The following AMACR variants were observed in gnomAD, a reference collection of about 807,000 sequenced individuals.
AMACR encodes 2-methylacyl-CoA racemase.
Under a neutral mutation model 22.2 loss-of-function variants are expected in AMACR, and 18 were observed. The observed-to-expected ratio is 0.81, with a 90% CI of 0.56 to 1.20. The LOEUF (loss-of-function observed/expected upper bound fraction) is 1.20, where lower values mean the gene tolerates loss of function less well. Among genes scored for constraint, AMACR ranks in the 50% most tolerant of loss-of-function variants. The pLI, the probability that AMACR is intolerant of heterozygous loss-of-function variation, is 0.00. For missense variants in AMACR, 499 were observed against 490.6 expected, an observed-to-expected ratio of 1.02 and a Z score of -0.16; for synonymous variants, 213 against 191.3, an observed-to-expected ratio of 1.11 and a Z score of -0.94.
At chr5:34,002,675 AG>A (rs1204653577) in intron 3 of AMACR, among the ~76,000 whole-genome samples, 1 of 152,220 alleles carries the variant, frequency 6.6e-6, no homozygotes, top group African/African-American at 2.4e-5. Flanking sequence ...CGTCTCCCTC[AG>A]GGAACTGTGT....
chr5:33,989,630 A>G, intron 4 of AMACR, 128 bp from the exon 5 acceptor site: 1 of 790,422 alleles, frequency 1.3e-6, no homozygotes, highest in Non-Finnish European at 2.0e-6. Flanking sequence ...CAAATGAGTC[A>G]AGAGAAAAAA....
chr5:33,997,380 G>C (rs772652147), intron 4 of AMACR: 1 of 776,622 alleles, frequency 1.3e-6, no homozygotes, highest in Middle Eastern at 2.3e-4. Flanking sequence ...GGCCATTGCC[G>C]CCTCCAACGG....
intron 3 of AMACR, among the ~76,000 whole-genome samples, chr5:33,999,653 T>C (rs3776543): frequency 0.74 from 111,947 of 152,200 alleles, 41,582 homozygotes; most frequent in East Asian, 0.84. Flanking sequence ...GAGGAAGGCC[T>C]TCAAAGCATC....
intron 3 of AMACR, among the ~76,000 whole-genome samples, chr5:34,000,243 G>A (rs992039185): frequency 1.3e-5 from 2 of 152,158 alleles, no homozygotes; most frequent in South Asian, 4.1e-4. Flanking sequence ...TTCCGCTCAA[G>A]CTTTACTTCT....
Position 34,007,853 on chromosome 5 carries a change from TCCAGCACTAG to T in AMACR, c.157_166del (p.Leu53ThrfsTer2). 1 of 1,583,650 alleles carries T rather than the reference TCCAGCACTAG, an allele frequency of 6.3e-7. No individual in the cohort carries two copies. The highest frequency in any genetic ancestry group is 8.6e-7 in the Non-Finnish European group (1 of 1,167,842). ...GGCGGCTCCCCGCGGCTGCTTCAGG[TCCAGCACTAG>T]CGAGCGCTTGCCCCGGCCCAAGCGG... On this transcript the variant is annotated frameshift_variant, in exon 1 of 5. Coordinates refer to ENST00000335606, the MANE Select transcript of AMACR (RefSeq NM_014324.6). LOFTEE classifies it high-confidence loss of function.
At position 34,007,925 on chromosome 5, in the gene AMACR, A is replaced by C; in HGVS notation, c.95T>G (p.Val32Gly). 6.2e-7 allele frequency: 1 copy of C among 1,609,644 alleles called. No homozygotes were observed. Among genetic ancestry groups the C allele is most frequent in the Non-Finnish European group, 8.5e-7 (1 of 1,179,300 alleles). ...GCGGGAGCCGGGCCGGTCCACGCGT[A>C]CCACACGCGCCCCGAAGTCAGCCAG... ...MVLADFGARV[V>G]RVDRPGSRYD... The change falls in exon 1 of 5, where the codon GTA (valine) becomes GGA (glycine). Residue 32 changes from valine (V) to glycine (G), a missense_variant. By Grantham distance (109) the Val-to-Gly change is moderately radical. Transcript: ENST00000335606.
At chr5:33,991,726 T>TTTATTTTTATTA (rs1554005035) in intron 4 of AMACR, among the ~76,000 whole-genome samples, 5 of 145,200 alleles carry the variant, frequency 3.4e-5, no homozygotes, top group Middle Eastern at 3.6e-3. Flanking sequence ...TAAACACTAT[T>TTTATTTTTATTA]TTATTATTAT....
rs1163077723 is a variant in AMACR, at chr5:34,007,984, G to A, written c.36C>T (p.Ser12=). The part of the protein sequence containing the change: ...ALQGISVVEL[S]GLAPGPFCAM... ...CACAGAACGGGCCCGGGGCCAGGCC[G>A]GACAGCTCCACGACCGAGATGCCCT... The change falls in exon 1 of 5, where the codon TCC becomes TCT. Residue 12 remains serine, a synonymous_variant. Transcript: ENST00000335606. 6 of 1,611,516 alleles carry A rather than the reference G, an allele frequency of 3.7e-6. No individual in the cohort carries two copies. The African/African-American group carries it at 5.3e-5, about 14-fold the overall frequency.
At position 34,007,932 on chromosome 5, in the gene AMACR, G is replaced by A; in HGVS notation, c.88C>T (p.Arg30Cys). Residue 30 changes from arginine to cysteine, a missense_variant, in exon 1 of 5, where the codon CGT becomes TGT. Physicochemically the swap from Arg to Cys is radical, Grantham distance 180. Coordinates refer to ENST00000335606, the MANE Select transcript of AMACR (RefSeq NM_014324.6). ...CCGGGCCGGTCCACGCGTACCACACGCGCCCCGAAGTCAGCCAGGACCATA... is the reference window on the plus strand; with the variant it reads ...CCGGGCCGGTCCACGCGTACCACACACGCCCCGAAGTCAGCCAGGACCATA... ...CAMVLADFGA[R>C]VVRVDRPGSR... 1 of 1,610,210 alleles carries A rather than the reference G, an allele frequency of 6.2e-7. No individual in the cohort carries two copies. The highest frequency in any genetic ancestry group is 1.3e-5 in the African/African-American group (1 of 75,014).
At chr5:34,005,381 C>T (rs1402687938) in intron 2 of AMACR, among the ~76,000 whole-genome samples, 1 of 152,136 alleles carries the variant, frequency 6.6e-6, no homozygotes, top group South Asian at 2.1e-4. Flanking sequence ...GTGGAGATTT[C>T]GGGGTCCGGG....
At chr5:33,999,963 C>T (rs1753765836) in intron 3 of AMACR, among the ~76,000 whole-genome samples, 1 of 152,136 alleles carries the variant, frequency 6.6e-6, no homozygotes, top group Non-Finnish European at 1.5e-5. Context: ...TATATGCGCA[C>T]TATTTTAAAT....
Position 33,988,427 on chromosome 5 carries a change from C to T in AMACR, c.*666G>A. The T allele has an allele frequency of 6.5e-7, 1 of 1,535,676 alleles. No homozygotes were observed. Among genetic ancestry groups the T allele is most frequent in the South Asian group, 1.2e-5 (1 of 83,816 alleles). Reference sequence around the variant, plus strand: ...GCCCAGAGACCCACGGGGAAACAGGCCCCGAGTTACTGGATACAGGCAACC... The same window carrying T: ...GCCCAGAGACCCACGGGGAAACAGGTCCCGAGTTACTGGATACAGGCAACC... On this transcript the variant is annotated 3_prime_UTR_variant, in exon 5 of 5. Coordinates refer to ENST00000335606, the MANE Select transcript of AMACR (RefSeq NM_014324.6).
At chr5:33,997,750 G>A (rs1579577990) in intron 4 of AMACR, 1 of 545,996 alleles carries the variant, frequency 1.8e-6, no homozygotes, top group East Asian at 2.9e-5. Context: ...AACTATATTT[G>A]AATAGGTGAA....
chr5:34,007,759 G>C lies in AMACR; in HGVS notation c.247+14C>G, dbSNP rs765066873. ...GGGAACTTCCCGAGAGCAGCCCGCG[G>C]GGCCCGGGCTCACCGCGGCGGAAGG... On this transcript the variant is annotated intron_variant, in intron 1 of 4. Transcript: ENST00000335606. The C allele has an allele frequency of 1.9e-6, 3 of 1,541,932 alleles. No individual in the cohort carries two copies. Among genetic ancestry groups the C allele is most frequent in the Non-Finnish European group, 2.6e-6 (3 of 1,150,092 alleles).
chr5:33,990,598 T>C (rs1286872916), intron 4 of AMACR, among the ~76,000 whole-genome samples: 1 of 152,252 alleles, frequency 6.6e-6, no homozygotes, highest in African/African-American at 2.4e-5. Flanking sequence ...TAAAAGTGCA[T>C]GGCTAAGTGT....
intron 3 of AMACR, 121 bp from the exon 4 acceptor site, chr5:33,998,948 T>C (rs1273058859): frequency 3.6e-6 from 3 of 845,064 alleles, no homozygotes; most frequent in Non-Finnish European, 5.7e-6. Context: ...TATACGAAGA[T>C]TCTACCTAAT....
chr5:34,007,912 C>T lies in AMACR; in HGVS notation c.108G>A (p.Arg36=), dbSNP rs1174211350. ...DFGARVVRVD[R]PGSRYDVSRL... is the part of the protein sequence containing the mutation. ...GGCTCACGTCGTAGCGGGAGCCGGG[C>T]CGGTCCACGCGTACCACACGCGCCC... Residue 36 remains arginine (R), a synonymous_variant, in exon 1 of 5, where the codon CGG becomes CGA. Transcript: ENST00000335606. The T allele has an allele frequency of 3.7e-6, 6 of 1,606,398 alleles. No individual in the cohort carries two copies. The highest frequency in any genetic ancestry group is 1.6e-4 in the Middle Eastern group (1 of 6,072).
At chr5:34,005,558 C>T (rs922683419) in intron 2 of AMACR, among the ~76,000 whole-genome samples, 198 bp downstream of exon 2, 2 of 152,150 alleles carry the variant, frequency 1.3e-5, no homozygotes, top group African/African-American at 4.8e-5. Flanking sequence ...ACCTTCCAAC[C>T]TGTTAAGGGA....
intron 1 of AMACR, 148 bp downstream of exon 1, chr5:34,007,625 C>G: frequency 8.3e-7 from 1 of 1,208,982 alleles, no homozygotes; most frequent in Non-Finnish European, 1.1e-6. Context: ...TAACAATACC[C>G]TAGGAGGCAA....
Sources: gnomAD v4.1 joint callset for allele counts (sites outside exome capture counted in the v4.1 genomes callset) on GRCh38, gnomAD v4.1.1 for gene constraint, MANE v1.5 for transcripts, NCBI Gene and HGNC (gene_info 2026-07-23, HGNC 2026-07-21) for gene names.